ATAD2: variants seen among roughly 807,000 people sequenced by gnomAD.
ATAD2 encodes the protein ATPase family AAA domain-containing protein 2.
Under a neutral mutation model 168.9 loss-of-function variants are expected in ATAD2, and 62 were observed. The ratio of observed to expected loss-of-function variants is 0.37; its 90% CI spans 0.30 to 0.45. ATAD2 has a LOEUF of 0.45. Among genes scored for constraint, ATAD2 ranks in the 20% least tolerant of loss-of-function variants. The pLI is 1.00. For synonymous variants in ATAD2, 613 were observed against 571.6 expected (o/e 1.07, Z -1.03); for missense variants, 1,419 against 1,667.8 (o/e 0.85, Z 2.60).
At position 123,359,299 on chromosome 8, in the gene ATAD2, A is replaced by G. The variant is rs200980815; in HGVS notation, c.1304T>C (p.Ile435Thr). ...FDSVGGLSNH[I>T]AALKEMVVFP... ...CACCACCATCTCTTTTAGAGCTGCTATATGATTAGACAGGCCACCAACACT... is the reference window on the plus strand; with the variant it reads ...CACCACCATCTCTTTTAGAGCTGCTGTATGATTAGACAGGCCACCAACACT... Residue 435 changes from isoleucine (I) to threonine (T), a missense_variant, in exon 11 of 28, where the codon ATA becomes ACA. Ile to Thr is a moderately conservative substitution (Grantham distance 89, BLOSUM62 -1). This residue lies in a region of ATAD2 where 146 missense variants were observed against 188.3 expected (regional missense o/e 0.78). Coordinates refer to ENST00000287394, the MANE Select transcript of ATAD2 (RefSeq NM_014109.4). 8.1e-6 allele frequency: 13 copies of G among 1,612,240 alleles called. No individual in the cohort carries two copies. In the East Asian group the frequency reaches 1.8e-4, roughly 22 times the overall value.
chr8:123,400,449 C>T (rs1043494371), upstream of ATAD2: 12 of 356,026 alleles, frequency 3.4e-5, no homozygotes, highest in South Asian at 4.4e-5. This position sits in a 1 kb window ranked among gnomAD's most constrained non-coding sequence, Gnocchi z 4.5. Context: ...GTGGGAGGAT[C>T]GCTTGAGCCC....
At chr8:123,398,193 A>G (rs2130005556), upstream of ATAD2, among the ~76,000 whole-genome samples, 1 of 145,604 alleles carries the variant, frequency 6.9e-6, no homozygotes, top group Non-Finnish European at 1.5e-5. Context: ...TTTAACTGGG[A>G]GTCCTGCTTT....
At chr8:123,325,577 C>T (rs1333776475) in intron 26 of ATAD2, among the ~76,000 whole-genome samples, 1 of 151,476 alleles carries the variant, frequency 6.6e-6, no homozygotes, top group East Asian at 1.9e-4. Context: ...TGAGTCACTG[C>T]GCCCAGCCTA....
intron 24 of ATAD2, among the ~76,000 whole-genome samples, chr8:123,331,405 A>AT (rs1408076012): frequency 1.3e-5 from 2 of 150,816 alleles, no homozygotes; most frequent in Non-Finnish European, 1.5e-5. Flanking sequence ...TGCCTGGCTA[A>AT]TTTTTTTTAT....
chr8:123,363,345 T>C (rs1394419734), intron 8 of ATAD2, among the ~76,000 whole-genome samples: 1 of 152,224 alleles, frequency 6.6e-6, no homozygotes, highest in Non-Finnish European at 1.5e-5. Context: ...TTAATTAATG[T>C]ATTTGACCAC....
In ATAD2 at chr8:123,371,537, C is replaced by G. The variant is rs1829147160; in HGVS notation, c.536+133G>C. ...ATATACAGAATTGTCACAAAGACCT[C>G]TGATAATCATTCTCCTGTACGCTTT... On this transcript the variant is annotated intron_variant, in intron 4 of 27. Coordinates refer to ENST00000287394, the MANE Select transcript of ATAD2 (RefSeq NM_014109.4). 3.4e-6 allele frequency: 3 copies of G among 881,930 alleles called. No homozygotes were observed. The East Asian group carries it at 8.2e-5, about 24-fold the overall frequency. 54.6% of individuals were successfully genotyped at this position (881,930 alleles called of 1,614,324 possible).
intron 8 of ATAD2, among the ~76,000 whole-genome samples, chr8:123,368,140 G>A (rs543762779): frequency 2.6e-5 from 4 of 152,200 alleles, no homozygotes; most frequent in South Asian, 4.1e-4. Flanking sequence ...CTCTTTGACC[G>A]GGTGTGGTGG....
intron 8 of ATAD2, among the ~76,000 whole-genome samples, chr8:123,366,929 A>G (rs1828996649): frequency 6.6e-6 from 1 of 152,064 alleles, no homozygotes. Context: ...GGCTGAGGCA[A>G]GTCAGTATAA....
intron 8 of ATAD2, among the ~76,000 whole-genome samples, chr8:123,367,141 G>T (rs569624326): frequency 1.1e-4 from 17 of 152,310 alleles, no homozygotes; most frequent in Non-Finnish European, 2.1e-4. Context: ...TCGGCCGGGT[G>T]CAGTGGCTCA....
At chr8:123,400,287 A>G (rs1270559723), upstream of ATAD2, among the ~76,000 whole-genome samples, 1 of 152,260 alleles carries the variant, frequency 6.6e-6, no homozygotes, top group Non-Finnish European at 1.5e-5. The surrounding 1 kb of genome is among the most constrained non-coding windows in gnomAD (Gnocchi z 4.5). Context: ...TGGGAAGAAC[A>G]AGTGCAAAGG....
At chr8:123,371,143 G>C (rs753360214) in intron 5 of ATAD2, 93 bp downstream of exon 5, 38 of 1,152,986 alleles carry the variant, frequency 3.3e-5, no homozygotes, top group Non-Finnish European at 4.5e-5. Flanking sequence ...ATAAATGCTG[G>C]AAAAAGTAGA....
chr8:123,326,803 C>T (rs1798101876), intron 25 of ATAD2, among the ~76,000 whole-genome samples: 1 of 152,186 alleles, frequency 6.6e-6, no homozygotes, highest in Non-Finnish European at 1.5e-5. Flanking sequence ...AAGTATTTAA[C>T]TATCTGGTAT....
intron 22 of ATAD2, 111 bp downstream of exon 22, chr8:123,336,262 T>C: frequency 1.0e-6 from 1 of 957,318 alleles, no homozygotes; most frequent in Non-Finnish European, 1.5e-6. Flanking sequence ...GTTGTGAGGA[T>C]TAAATAGTAT....
chr8:123,383,546 C>A (rs1429969692), intron 1 of ATAD2, among the ~76,000 whole-genome samples: 1 of 150,180 alleles, frequency 6.7e-6, no homozygotes, highest in Non-Finnish European at 1.5e-5. Context: ...CCGAGGCTGG[C>A]GGATCACCTG....
At chr8:123,327,541 A>C (rs1220555151) in intron 25 of ATAD2, among the ~76,000 whole-genome samples, 1 of 152,094 alleles carries the variant, frequency 6.6e-6, no homozygotes, top group Non-Finnish European at 1.5e-5. Flanking sequence ...AACTTAGTCA[A>C]TGCTTATTTT....
At chr8:123,414,096 A>C (rs1813204055) in intron 1 of ATAD2, among the ~76,000 whole-genome samples, 1 of 35,054 alleles carries the variant, frequency 2.9e-5, no homozygotes, top group Non-Finnish European at 7.5e-5. Context: ...TTATCTCAAA[A>C]AAAAAAAAAA....
chr8:123,410,005 T>C (rs1490380861), intron 1 of ATAD2, among the ~76,000 whole-genome samples: 1 of 151,814 alleles, frequency 6.6e-6, no homozygotes, highest in Non-Finnish European at 1.5e-5. Context: ...AAAAAAACCT[T>C]TTGTTATTAA....
At chr8:123,397,627 A>G (rs1812918443), upstream of ATAD2, among the ~76,000 whole-genome samples, 1 of 152,238 alleles carries the variant, frequency 6.6e-6, no homozygotes, top group Admixed American at 6.5e-5. Flanking sequence ...AATATTTGTT[A>G]AATACATATT....
chr8:123,372,722 TG>T, intron 2 of ATAD2, 36 bp from the exon 3 acceptor site: 1 of 1,481,170 alleles, frequency 6.8e-7, no homozygotes. Context: ...TCAAAATAAT[TG>T]ACATAACTTT....
Sources: allele counts gnomAD v4.1 joint callset (sites outside exome capture counted in the v4.1 genomes callset), GRCh38; gene constraint gnomAD v4.1.1; regional missense constraint gnomAD v4.1.1; non-coding constraint Gnocchi (gnomAD v3.1); transcripts MANE v1.5; gene names NCBI Gene and HGNC (gene_info 2026-07-23, HGNC 2026-07-21).